LARP1: variants seen among roughly 807,000 people sequenced by gnomAD.
The protein encoded by LARP1 is la-related protein 1.
Under a neutral mutation model 122.7 loss-of-function variants are expected in LARP1, and 36 were observed. The observed-to-expected ratio is 0.29, with a 90% CI of 0.22 to 0.39. LARP1 has a LOEUF of 0.39. Ranked by LOEUF, LARP1 falls within the 10% of genes least tolerant of loss-of-function variation. LARP1 has a pLI of 1.00. For missense variants in LARP1, 1,040 were observed against 1,403.6 expected (o/e 0.74, Z 4.14); for synonymous variants, 539 against 528.7 (o/e 1.02, Z -0.27).
chr5:154,808,892 C>T (rs951569481), intron 16 of LARP1, among the ~76,000 whole-genome samples: 1 of 152,140 alleles, frequency 6.6e-6, no homozygotes, highest in Non-Finnish European at 1.5e-5. Flanking sequence ...ATAAAGGACC[C>T]TATGTAAGTA....
upstream of LARP1, among the ~76,000 whole-genome samples, chr5:154,751,289 C>T (rs973154450): frequency 3.3e-5 from 5 of 152,138 alleles, no homozygotes; most frequent in Non-Finnish European, 5.9e-5. Context: ...GAGTACCCAC[C>T]TTACTTTCTT....
intron 1 of LARP1, among the ~76,000 whole-genome samples, chr5:154,736,941 A>G: frequency 6.6e-6 from 1 of 152,138 alleles, no homozygotes; most frequent in Non-Finnish European, 1.5e-5. Flanking sequence ...CACCAACAGT[A>G]CACAAAGCTT....
At chr5:154,695,443 G>A (rs985740464) in intron 1 of LARP1, among the ~76,000 whole-genome samples, 1 of 152,092 alleles carries the variant, frequency 6.6e-6, no homozygotes, top group African/African-American at 2.4e-5. Flanking sequence ...CAGATCACGA[G>A]GTCAGGAGCT....
At chr5:154,734,115 C>G (rs181972243) in intron 1 of LARP1, among the ~76,000 whole-genome samples, 101 of 150,772 alleles carry the variant, frequency 6.7e-4, no homozygotes, top group African/African-American at 2.3e-3. Flanking sequence ...TGCAGTGAGC[C>G]GAGATCACGC....
chr5:154,805,348 C>T (rs544519088), intron 14 of LARP1: 29 of 193,034 alleles, frequency 1.5e-4, no homozygotes, highest in Admixed American at 4.1e-4. Flanking sequence ...CTTGCTCTCT[C>T]GAGTGGCAAA....
Position 154,817,401 on chromosome 5 carries a change from TATC to T in LARP1, c.*3308_*3310del, listed in dbSNP as rs1372764915. 3 of 152,650 alleles carry T rather than the reference TATC, an allele frequency of 2.0e-5. No homozygotes were observed. Among genetic ancestry groups the T allele is most frequent in the Non-Finnish European group, 2.9e-5 (2 of 68,046 alleles). 9.5% of individuals were successfully genotyped at this position (152,650 alleles called of 1,614,324 possible). The stretch of plus-strand genomic sequence containing the variant: ...ACATTATCTTTACTATGTGCTAGGA[TATC>T]ATATTTAAAAGGACAAAAAAATGTA... On this transcript the variant is annotated 3_prime_UTR_variant, in exon 19 of 19. Coordinates refer to ENST00000518297, the MANE Select transcript of LARP1 (RefSeq NM_033551.3).
At chr5:154,741,702 A>G (rs1356461646) in intron 1 of LARP1, among the ~76,000 whole-genome samples, 1 of 151,856 alleles carries the variant, frequency 6.6e-6, no homozygotes, top group African/African-American at 2.4e-5. Flanking sequence ...AAACGGGGGG[A>G]AAATCTGGAG....
upstream of LARP1, among the ~76,000 whole-genome samples, chr5:154,708,966 C>T (rs1168611924): frequency 6.6e-6 from 1 of 152,192 alleles, no homozygotes; most frequent in Non-Finnish European, 1.5e-5. Context: ...ATAAAACAAG[C>T]ATTGTTGCCT....
chr5:154,794,321 G>C (rs1025378975), intron 7 of LARP1, 59 bp downstream of exon 7: 5 of 1,565,148 alleles, frequency 3.2e-6, no homozygotes, highest in Non-Finnish European at 2.6e-6. Context: ...GGGGTTGCTA[G>C]AGTGTCATAG....
chr5:154,737,666 C>A (rs1756982933), intron 1 of LARP1, among the ~76,000 whole-genome samples: 1 of 152,026 alleles, frequency 6.6e-6, no homozygotes, highest in East Asian at 1.9e-4. Context: ...TGGTCTCGAA[C>A]TCCTAATTTG....
intron 16 of LARP1, among the ~76,000 whole-genome samples, chr5:154,810,574 A>G (rs1759183505): frequency 6.6e-6 from 1 of 151,778 alleles, no homozygotes; most frequent in African/African-American, 2.4e-5. Flanking sequence ...TGCAACCTCC[A>G]CCTCCCAGGT....
intron 1 of LARP1, among the ~76,000 whole-genome samples, chr5:154,732,013 T>C: frequency 7.9e-6 from 1 of 127,102 alleles, no homozygotes; most frequent in African/African-American, 3.0e-5. Flanking sequence ...AGAGTGAGAC[T>C]CCGTCTGAAA....
intron 1 of LARP1, among the ~76,000 whole-genome samples, chr5:154,684,251 C>G (rs1753820922): frequency 6.6e-6 from 1 of 151,998 alleles, no homozygotes; most frequent in Non-Finnish European, 1.5e-5. Flanking sequence ...TGAGACCAGC[C>G]TGGGCAACAT....
At chr5:154,712,920 C>T (rs750672313) in exon 1 of LARP1, 10 of 1,613,822 alleles carry the variant, frequency 6.2e-6, no homozygotes, top group South Asian at 2.2e-5. Context: ...AGGCCCTGGT[C>T]ACTCCATGCT....
intron 1 of LARP1, among the ~76,000 whole-genome samples, chr5:154,719,251 T>G (rs1016508391): frequency 6.6e-6 from 1 of 151,970 alleles, no homozygotes; most frequent in Non-Finnish European, 1.5e-5. Flanking sequence ...GTTCAGAGAG[T>G]GCACATCGAA....
chr5:154,803,282 C>CT lies in LARP1; in HGVS notation c.2110-7dup, dbSNP rs755351766. ...CATCTTTCCCCACTCATCTCATGAC[C>CT]TCTGCAGCAAGAAGTCGAGAACTTC... On this transcript the variant is annotated splice_region_variant and splice_polypyrimidine_tract_variant and intron_variant, in intron 11 of 18. Coordinates refer to ENST00000518297, the MANE Select transcript of LARP1 (RefSeq NM_033551.3). This position sits in a 1 kb window ranked among gnomAD's most constrained non-coding sequence, Gnocchi z 4.4. 2 of 1,614,070 alleles carry CT rather than the reference C, an allele frequency of 1.2e-6. No individual in the cohort carries two copies. Among genetic ancestry groups the CT allele is most frequent in the Non-Finnish European group, 1.7e-6 (2 of 1,180,036 alleles).
chr5:154,816,877 C>G lies in LARP1; in HGVS notation c.*2781C>G, dbSNP rs1201948554. The G allele has an allele frequency of 5.9e-5, 9 of 152,278 alleles. No individual in the cohort carries two copies. The highest frequency in any genetic ancestry group is 2.9e-5 in the Non-Finnish European group (2 of 68,086). The allele number at this position is 152,278 out of a possible 1,614,324, so 9.4% of individuals were successfully genotyped here. ...GGGCAGGTTTCTCTTTAGCCCTCTT[C>G]CTGCACTTGGGAGCAAAGGCACTAC... is the stretch of plus-strand genomic sequence containing the variant. On this transcript the variant is annotated 3_prime_UTR_variant, in exon 19 of 19. Coordinates refer to ENST00000518297, the MANE Select transcript of LARP1 (RefSeq NM_033551.3).
At position 154,755,813 on chromosome 5, in the gene LARP1, A is replaced by T; in HGVS notation, c.56A>T (p.Glu19Val). 1.0e-6 allele frequency: 1 copy of T among 994,084 alleles called. No individual in the cohort carries two copies. The allele number at this position is 994,084 out of a possible 1,614,324, so 61.6% of individuals were successfully genotyped here. The change falls in exon 1 of 19, where the codon GAA becomes GTA. Residue 19 changes from glutamate (E) to valine (V), a missense_variant. By Grantham distance (121) the Glu-to-Val change is moderately radical (BLOSUM62 -2). Transcript: ENST00000518297. ...LPGGATLLQA[E>V]EHGGLVRKKP... ...GGGGGCGCCACGCTCTTGCAGGCCG[A>T]AGAGCACGGGGGGCTGGTGAGGAAG...
At chr5:154,741,513 G>A (rs554924656) in intron 1 of LARP1, among the ~76,000 whole-genome samples, 1 of 152,166 alleles carries the variant, frequency 6.6e-6, no homozygotes, top group African/African-American at 2.4e-5. Context: ...GCTGATCAAG[G>A]GTGGTCCCTC....
Sources: gnomAD v4.1 joint callset for allele counts (sites outside exome capture counted in the v4.1 genomes callset) on GRCh38, gnomAD v4.1.1 for gene constraint, Gnocchi (gnomAD v3.1) non-coding constraint, MANE v1.5 for transcripts, NCBI Gene and HGNC (gene_info 2026-07-23, HGNC 2026-07-21) for gene names.